Variants in HS6ST3 observed in about 807,000 individuals in gnomAD.
The protein encoded by HS6ST3 is heparan-sulfate 6-O-sulfotransferase 3.
In HS6ST3, 12 loss-of-function variants were observed where a neutral mutation model predicts 36.7. The ratio of observed to expected loss-of-function variants is 0.33; its 90% CI spans 0.21 to 0.53. The LOEUF is 0.53. Ranked by LOEUF, HS6ST3 falls within the 20% of genes least tolerant of loss-of-function variation. The probability of loss-of-function intolerance (pLI) is 0.95; values close to 1 mark genes in which losing one functional copy is unlikely to be tolerated. For missense variants in HS6ST3, 584 were observed against 640.9 expected, an observed-to-expected ratio of 0.91 and a Z score of 0.96; for synonymous variants, 240 against 257.5, an observed-to-expected ratio of 0.93 and a Z score of 0.65.
At chr13:96,184,181 T>C (rs9562044) in intron 1 of HS6ST3, among the ~76,000 whole-genome samples, 125,547 of 135,810 alleles carry the variant, frequency 0.92, 58,038 homozygotes, top group African/African-American at 0.94. Context: ...AGCCTGGCAA[T>C]AGAGCGAGAC....
chr13:96,262,933 G>A (rs2054673683), intron 1 of HS6ST3, among the ~76,000 whole-genome samples: 1 of 152,170 alleles, frequency 6.6e-6, no homozygotes. Context: ...TTGTTCATCT[G>A]TGGTAGCTTA....
intron 1 of HS6ST3, among the ~76,000 whole-genome samples, chr13:96,654,269 A>G (rs1256578239): frequency 2.0e-5 from 3 of 152,108 alleles, no homozygotes; most frequent in Non-Finnish European, 2.9e-5. Context: ...TGTTTTAGTC[A>G]TTAAGTCTTT....
chr13:96,783,298 C>T (rs989813049), intron 1 of HS6ST3, among the ~76,000 whole-genome samples: 16 of 152,102 alleles, frequency 1.1e-4, no homozygotes, highest in African/African-American at 3.6e-4. Context: ...GTTATGACTG[C>T]TTTTCTTACT....
chr13:96,259,392 G>A (rs72642960), intron 1 of HS6ST3, among the ~76,000 whole-genome samples: 7,857 of 152,184 alleles, frequency 0.052, 284 homozygotes, highest in East Asian at 0.15. Flanking sequence ...CTGTGGTCCA[G>A]GTGAGAACAA....
Position 96,344,709 on chromosome 13 carries a change from A to C in HS6ST3, c.707+253140A>C, listed in dbSNP as rs527261886. ...GTTTGGTTTGTATTTCACTTCCTTC[A>C]TTTGATGTTCCTTTCATGCTGGCTG... On this transcript the variant is annotated intron_variant, in intron 1 of 1. Transcript: ENST00000376705. Among the ~76,000 whole-genome samples the C allele has an allele frequency of 7.0e-4, 106 of 152,204 alleles. 1 individual carries two copies. The highest frequency in any genetic ancestry group is 2.5e-3 in the African/African-American group (105 of 41,522).
At chr13:96,175,914 A>C (rs1038404277) in intron 1 of HS6ST3, among the ~76,000 whole-genome samples, 5 of 151,746 alleles carry the variant, frequency 3.3e-5, no homozygotes, top group Non-Finnish European at 5.9e-5. Flanking sequence ...AGCTCACTGC[A>C]GCCTCTGCCT....
intron 1 of HS6ST3, among the ~76,000 whole-genome samples, chr13:96,522,474 T>A (rs1315741596): frequency 1.3e-5 from 2 of 152,206 alleles, no homozygotes; most frequent in African/African-American, 4.8e-5. Flanking sequence ...ATTATTAGTA[T>A]GTGGGAATCT....
chr13:96,163,222 A>ATTTTTT (rs147731415), intron 1 of HS6ST3, among the ~76,000 whole-genome samples: 42 of 79,064 alleles, frequency 5.3e-4, no homozygotes, highest in East Asian at 7.5e-4. Context: ...TCTGAGATAC[A>ATTTTTT]TTTTTTTTTT....
At chr13:96,292,234 G>GTA (rs1299884945) in intron 1 of HS6ST3, among the ~76,000 whole-genome samples, 3 of 144,018 alleles carry the variant, frequency 2.1e-5, no homozygotes, top group African/African-American at 5.1e-5. Flanking sequence ...GTGTGTGTGT[G>GTA]TATAAAAGTT....
chr13:96,258,353 T>C (rs2139381586), intron 1 of HS6ST3, among the ~76,000 whole-genome samples: 1 of 151,244 alleles, frequency 6.6e-6, no homozygotes, highest in East Asian at 2.0e-4. Context: ...ATGTCAGATG[T>C]TCAAAACAAC....
intron 1 of HS6ST3, among the ~76,000 whole-genome samples, chr13:96,316,295 G>GTA (rs2054969700): frequency 2.2e-5 from 3 of 138,856 alleles, no homozygotes; most frequent in South Asian, 4.5e-4. Flanking sequence ...GTGTGTGTGT[G>GTA]TGTGTATGTG....
intron 1 of HS6ST3, among the ~76,000 whole-genome samples, chr13:96,149,153 GTCTTGATAAC>G (rs2139321987): frequency 6.6e-6 from 1 of 152,220 alleles, no homozygotes; most frequent in Non-Finnish European, 1.5e-5. Flanking sequence ...AAATAAACAG[GTCTTGATAAC>G]TTTCACATTA....
intron 1 of HS6ST3, among the ~76,000 whole-genome samples, chr13:96,743,307 A>G (rs986462913): frequency 2.0e-5 from 3 of 152,132 alleles, no homozygotes; most frequent in Non-Finnish European, 4.4e-5. Context: ...TTTGAAAAAC[A>G]TTGAGGGGTC....
chr13:96,092,970 G>C (rs2053772408), intron 1 of HS6ST3, among the ~76,000 whole-genome samples: 1 of 152,036 alleles, frequency 6.6e-6, no homozygotes, highest in Non-Finnish European at 1.5e-5. Context: ...TATTACTTTG[G>C]ATCTTGCCAC....
chr13:96,170,832 G>A (rs1433033426), intron 1 of HS6ST3, among the ~76,000 whole-genome samples: 1 of 152,236 alleles, frequency 6.6e-6, no homozygotes. Flanking sequence ...GTGAGGCCTT[G>A]ATGTAGCACA....
chr13:96,157,686 A>G (rs1343669604), intron 1 of HS6ST3, among the ~76,000 whole-genome samples: 2 of 152,206 alleles, frequency 1.3e-5, no homozygotes, highest in South Asian at 2.1e-4. Flanking sequence ...GAAAACACTT[A>G]TTTCAGGAAG....
At chr13:96,506,682 G>A (rs972384949) in intron 1 of HS6ST3, among the ~76,000 whole-genome samples, 1 of 152,120 alleles carries the variant, frequency 6.6e-6, no homozygotes, top group Non-Finnish European at 1.5e-5. Context: ...TCCTGGATAA[G>A]CACTTATAAG....
At chr13:96,124,880 G>A (rs893102415) in intron 1 of HS6ST3, among the ~76,000 whole-genome samples, 33 of 152,202 alleles carry the variant, frequency 2.2e-4, no homozygotes, top group African/African-American at 6.3e-4. Flanking sequence ...CCAATGATAC[G>A]CCACCCCTGA....
chr13:96,373,515 T>C (rs920228264), intron 1 of HS6ST3, among the ~76,000 whole-genome samples: 2 of 152,214 alleles, frequency 1.3e-5, no homozygotes, highest in African/African-American at 4.8e-5. Flanking sequence ...GATTGTTACT[T>C]AAATAATTTA....
Sources: allele counts gnomAD v4.1 joint callset (sites outside exome capture counted in the v4.1 genomes callset), GRCh38; gene constraint gnomAD v4.1.1; transcripts MANE v1.5; gene names NCBI Gene and HGNC (gene_info 2026-07-23, HGNC 2026-07-21).